SNRPD1: variants seen among roughly 807,000 people sequenced by gnomAD.
The protein encoded by SNRPD1 is small nuclear ribonucleoprotein D1 polypeptide, also known as small nuclear ribonucleoprotein Sm D1.
SNRPD1 carries 1 observed loss-of-function variant against 14.4 expected under a neutral mutation model. The observed-to-expected ratio is 0.07, with a 90% CI of 0.02 to 0.33. The LOEUF (loss-of-function observed/expected upper bound fraction) is 0.33, where lower values mean the gene tolerates loss of function less well. Among genes scored for constraint, SNRPD1 ranks in the 10% least tolerant of loss-of-function variants. SNRPD1 has a pLI of 1.00. For synonymous variants in SNRPD1, 42 were observed against 50.3 expected (o/e 0.83, Z 0.70); for missense variants, 52 against 146.4 (o/e 0.36, Z 3.33).
At chr18:21,618,198 T>A (rs1475331617) in intron 1 of SNRPD1, among the ~76,000 whole-genome samples, 5 of 152,012 alleles carry the variant, frequency 3.3e-5, no homozygotes, top group Non-Finnish European at 7.4e-5. Context: ...CAAGGCAGGC[T>A]GATTGCTTGA....
Position 21,629,150 on chromosome 18 carries a change from A to G in SNRPD1, c.*12A>G. On this transcript the variant is annotated 3_prime_UTR_variant, in exon 4 of 4. Coordinates refer to ENST00000300413, the MANE Select transcript of SNRPD1 (RefSeq NM_006938.4). ...GTCCTAGGCGATAATGTCTCTCAAG[A>G]TTTCAAAGTCATATGAGATTTGGGA... 6.3e-7 allele frequency: 1 copy of G among 1,590,268 alleles called. No homozygotes were observed. Among genetic ancestry groups the G allele is most frequent in the Non-Finnish European group, 8.6e-7 (1 of 1,158,652 alleles).
rs2039090519 is a variant in SNRPD1 at position 21,632,369 on chromosome 18, G to C, written c.*3231G>C. On this transcript the variant is annotated 3_prime_UTR_variant, in exon 4 of 4. Transcript: ENST00000300413. ...AGTTACTCAGGAGGCTTAGGCAGGA[G>C]AATCACTTGAACCCTGGAGGCAGAG... The C allele has an allele frequency of 6.6e-6, 1 of 151,576 alleles. No individual in the cohort carries two copies. Among genetic ancestry groups the C allele is most frequent in the Non-Finnish European group, 1.5e-5 (1 of 68,030 alleles). The allele number at this position is 151,576 out of a possible 1,614,324, so 9.4% of individuals were successfully genotyped here.
In SNRPD1 at chr18:21,630,924, ATATT is replaced by A. The variant is rs1403987627; in HGVS notation, c.*1788_*1791del. The A allele has an allele frequency of 1.3e-5, 2 of 150,626 alleles. No individual in the cohort carries two copies. The highest frequency in any genetic ancestry group is 3.0e-5 in the Non-Finnish European group (2 of 67,758). 9.3% of individuals were successfully genotyped at this position (150,626 alleles called of 1,614,324 possible). On this transcript the variant is annotated 3_prime_UTR_variant, in exon 4 of 4. Transcript: ENST00000300413. Reference sequence around the variant, plus strand: ...ATTGGTATAAATAAATACTAGATATATATTTTTTTAAGTATCTTACCTCATCAAG... The same window carrying A: ...ATTGGTATAAATAAATACTAGATATATTTTTAAGTATCTTACCTCATCAAG...
In SNRPD1 at chr18:21,612,386, G is replaced by A. The variant is rs1478110256; in HGVS notation, c.-44G>A. 1 of 1,515,730 alleles carries A rather than the reference G, an allele frequency of 6.6e-7. No individual in the cohort carries two copies. The highest frequency in any genetic ancestry group is 1.2e-5 in the South Asian group (1 of 81,334). The allele number at this position is 1,515,730 out of a possible 1,614,324, so 93.9% of individuals were successfully genotyped here. A position where few individuals can be genotyped will look rare whatever the true frequency, so the allele number is the denominator to read the frequency against. ...GCAGTCGGTCAGTGTTCGGTTGAAGGATTCTGTGTGCTGTCGGACCCAGAG... is the reference window on the plus strand; with the variant it reads ...GCAGTCGGTCAGTGTTCGGTTGAAGAATTCTGTGTGCTGTCGGACCCAGAG... On this transcript the variant is annotated 5_prime_UTR_variant, in exon 1 of 4. Transcript: ENST00000300413.
At chr18:21,626,413 AAAG>A (rs2039039448) in intron 3 of SNRPD1, among the ~76,000 whole-genome samples, 2 of 150,958 alleles carry the variant, frequency 1.3e-5, no homozygotes, top group Non-Finnish European at 3.0e-5. Context: ...AAAAAAAAAA[AAAG>A]GAAACTACAA....
chr18:21,614,232 A>T (rs2038941746), intron 1 of SNRPD1, among the ~76,000 whole-genome samples: 1 of 151,568 alleles, frequency 6.6e-6, no homozygotes, highest in African/African-American at 2.4e-5. Flanking sequence ...GCACCACTGC[A>T]CTCCAGCCTG....
intron 2 of SNRPD1, 46 bp downstream of exon 2, chr18:21,622,847 T>C (rs1376282929): frequency 2.2e-6 from 2 of 921,864 alleles, no homozygotes; most frequent in African/African-American, 1.6e-5. Context: ...TCTTCTCTTT[T>C]ACCTAGCCAG....
Position 21,620,208 on chromosome 18 carries a change from C to A in SNRPD1, c.15-2517C>A, listed in dbSNP as rs191499057. On this transcript the variant is annotated intron_variant, in intron 1 of 3. Coordinates refer to ENST00000300413, the MANE Select transcript of SNRPD1 (RefSeq NM_006938.4). ...TGACATTGTGACCCGCCCACCTTGGCCTCCCAAAGTGCTGGGGTTACAGGC... is the reference window on the plus strand; with the variant it reads ...TGACATTGTGACCCGCCCACCTTGGACTCCCAAAGTGCTGGGGTTACAGGC... Among the ~76,000 whole-genome samples the A allele has an allele frequency of 5.3e-5, 8 of 152,248 alleles. 1 individual carries two copies. The East Asian group carries it at 1.5e-3, about 29-fold the overall frequency.
chr18:21,624,084 T>C, intron 3 of SNRPD1, 145 bp downstream of exon 3: 1 of 626,452 alleles, frequency 1.6e-6, no homozygotes, highest in Non-Finnish European at 2.7e-6. Context: ...GGTGTTGCTA[T>C]TAAAAACATT....
chr18:21,614,575 C>T (rs2038944005), intron 1 of SNRPD1, among the ~76,000 whole-genome samples: 1 of 152,156 alleles, frequency 6.6e-6, no homozygotes, highest in Admixed American at 6.6e-5. Context: ...GCAGCATTGT[C>T]ATCCTTATTC....
chr18:21,617,502 A>G (rs2038966121), intron 1 of SNRPD1, among the ~76,000 whole-genome samples: 1 of 152,184 alleles, frequency 6.6e-6, no homozygotes, highest in Admixed American at 6.5e-5. Context: ...CCTAGAGATT[A>G]TACTTTGGTC....
intron 1 of SNRPD1, among the ~76,000 whole-genome samples, chr18:21,622,170 C>T (rs576742769): frequency 9.4e-4 from 141 of 150,722 alleles, no homozygotes; most frequent in Middle Eastern, 3.4e-3. Context: ...GACGGAGTCT[C>T]GCTCTGTTGC....
rs1481001698 is a variant in SNRPD1 at position 21,629,339 on chromosome 18, T to G, written c.*201T>G. The G allele has an allele frequency of 4.1e-6, 2 of 482,412 alleles. No individual in the cohort carries two copies. Among genetic ancestry groups the G allele is most frequent in the Non-Finnish European group, 7.4e-6 (2 of 269,884 alleles). The allele number at this position is 482,412 out of a possible 1,614,324, so 29.9% of individuals were successfully genotyped here. A position where few individuals can be genotyped will look rare whatever the true frequency, so the allele number is the denominator to read the frequency against. On this transcript the variant is annotated 3_prime_UTR_variant, in exon 4 of 4. Transcript: ENST00000300413. ...TCTACTGGGCAGTTTCATTTTTAGT[T>G]GATCAGGTTTTAAGTTTTTGAACTA...
At chr18:21,628,730 G>A (rs1009415737) in intron 3 of SNRPD1, among the ~76,000 whole-genome samples, 3 of 151,828 alleles carry the variant, frequency 2.0e-5, no homozygotes, top group African/African-American at 7.3e-5. Flanking sequence ...CCCTTTTTTT[G>A]TGAGGTTCAA....
intron 3 of SNRPD1, among the ~76,000 whole-genome samples, chr18:21,624,972 T>C (rs564964528): frequency 1.3e-5 from 2 of 152,244 alleles, no homozygotes; most frequent in South Asian, 4.1e-4. Flanking sequence ...TAGGCGTTAA[T>C]GACAAGAAAA....
chr18:21,623,163 A>G (rs983168161), intron 2 of SNRPD1, among the ~76,000 whole-genome samples: 8 of 151,564 alleles, frequency 5.3e-5, no homozygotes, highest in Admixed American at 4.0e-4. Context: ...TCAGGTCACT[A>G]CAACCTCTGC....
rs1032976318 is a variant in SNRPD1, at chr18:21,630,461, G to A, written c.*1323G>A. 10 of 151,084 alleles carry A rather than the reference G, an allele frequency of 6.6e-5. No individual in the cohort carries two copies. The highest frequency in any genetic ancestry group is 1.2e-4 in the Non-Finnish European group (8 of 67,838). The allele number at this position is 151,084 out of a possible 1,614,324, so 9.4% of individuals were successfully genotyped here. ...AGTAAAGAAATTTTCTGCAAAGATC[G>A]TTACCTTAAAAAAGTTTAGCCTGGG... On this transcript the variant is annotated 3_prime_UTR_variant, in exon 4 of 4. Transcript: ENST00000300413.
intron 1 of SNRPD1, among the ~76,000 whole-genome samples, chr18:21,617,364 T>C (rs577792142): frequency 1.3e-5 from 2 of 152,152 alleles, no homozygotes; most frequent in African/African-American, 4.8e-5. Flanking sequence ...AAATCAACCA[T>C]GTAAATGTGG....
At chr18:21,619,976 A>G (rs2038985903) in intron 1 of SNRPD1, among the ~76,000 whole-genome samples, 1 of 150,970 alleles carries the variant, frequency 6.6e-6, no homozygotes, top group African/African-American at 2.4e-5. Context: ...TTTTTTCGAG[A>G]TGGAGTCTTG....
Sources: gnomAD v4.1 joint callset for allele counts (sites outside exome capture counted in the v4.1 genomes callset) on GRCh38, gnomAD v4.1.1 for gene constraint, MANE v1.5 for transcripts, NCBI Gene and HGNC (gene_info 2026-07-23, HGNC 2026-07-21) for gene names.